Variants in ME1 observed in about 807,000 individuals in gnomAD.
ME1 encodes the protein NADP-dependent malic enzyme.
A neutral mutation model predicts 66.4 loss-of-function variants in ME1; 74 were observed. The observed-to-expected ratio is 1.11, with a 90% CI of 0.92 to 1.35. The LOEUF is 1.35. ME1 is among the 40% of genes most tolerant of loss of function. The pLI is 0.00. For synonymous variants in ME1, 251 were observed against 235.6 expected (o/e 1.07, Z -0.60); for missense variants, 750 against 694.1 (o/e 1.08, Z -0.90).
rs57683304 is a variant in ME1 at position 83,388,091 on chromosome 6, C to CTTTTTTTTTTTTTTTTTT, written c.362+10275_362+10276insAAAAAAAAAAAAAAAAAA. Among the ~76,000 whole-genome samples the CTTTTTTTTTTTTTTTTTT allele has an allele frequency of 2.2e-5, 3 of 133,394 alleles. 1 individual carries two copies. The highest frequency in any genetic ancestry group is 1.7e-4 in the Admixed American group (2 of 12,082). The allele number at this position is 133,394 out of a possible 152,430, so 87.5% of individuals were successfully genotyped here. A position where few individuals can be genotyped will look rare whatever the true frequency, so the allele number is the denominator to read the frequency against. ...TCTTCCTTCTTTCCTTCCTTCCTTC[C>CTTTTTTTTTTTTTTTTTT]TTTTTTTTTTTGGACAGGATCTCAC... On this transcript the variant is annotated intron_variant, in intron 3 of 13. Transcript: ENST00000369705.
At chr6:83,330,567 T>C (rs1330304695) in intron 5 of ME1, among the ~76,000 whole-genome samples, 1 of 152,216 alleles carries the variant, frequency 6.6e-6, no homozygotes, top group Non-Finnish European at 1.5e-5. Context: ...ATTATTAAGT[T>C]ATTTCGAACT....
At chr6:83,360,413 G>A (rs1768986244) in intron 3 of ME1, among the ~76,000 whole-genome samples, 1 of 152,164 alleles carries the variant, frequency 6.6e-6, no homozygotes, top group South Asian at 2.1e-4. Context: ...AGGGGCTTAT[G>A]GAGGTCAGGT....
chr6:83,316,867 T>C (rs745961281), intron 5 of ME1, among the ~76,000 whole-genome samples: 6 of 151,516 alleles, frequency 4.0e-5, no homozygotes, highest in Non-Finnish European at 8.8e-5. Flanking sequence ...TTTAAGAAAA[T>C]ATGTGTAAGA....
chr6:83,414,150 A>G (rs1033085106), intron 1 of ME1, among the ~76,000 whole-genome samples: 1 of 150,272 alleles, frequency 6.7e-6, no homozygotes, highest in Middle Eastern at 3.4e-3. Flanking sequence ...ATTTATTTTT[A>G]TGGTGGTATC....
At chr6:83,293,940 T>C (rs1441544133) in intron 6 of ME1, among the ~76,000 whole-genome samples, 2 of 152,260 alleles carry the variant, frequency 1.3e-5, no homozygotes, top group African/African-American at 4.8e-5. Flanking sequence ...TTGAGATTTA[T>C]ATTAGCTATA....
At position 83,392,426 on chromosome 6, in the gene ME1, T is replaced by G; in HGVS notation, c.362+5941A>C. On this transcript the variant is annotated intron_variant, in intron 3 of 13. Transcript: ENST00000369705. ...CATCCCTGAGACACCATGGTGAAGG[T>G]GAAGGCTGGAGTCAACAGATTTGGT... 6.3e-6 allele frequency: 3 copies of G among 479,984 alleles called. No homozygotes were observed. In the Admixed American group the frequency reaches 6.4e-5, roughly 10 times the overall value. The allele number at this position is 479,984 out of a possible 1,614,324, so 29.7% of individuals were successfully genotyped here. A position where few individuals can be genotyped will look rare whatever the true frequency, so the allele number is the denominator to read the frequency against.
intron 5 of ME1, among the ~76,000 whole-genome samples, chr6:83,323,357 G>A (rs1270596527): frequency 1.3e-5 from 2 of 152,104 alleles, no homozygotes; most frequent in African/African-American, 4.8e-5. Context: ...ACACAGACTG[G>A]CAAACAGGAT....
chr6:83,318,819 C>T (rs1310363638), intron 5 of ME1, among the ~76,000 whole-genome samples: 2 of 101,990 alleles, frequency 2.0e-5, no homozygotes, highest in African/African-American at 3.5e-5. Context: ...ACCCAAAGGA[C>T]TATAAATCAT....
At chr6:83,357,468 A>G (rs1235579725) in intron 3 of ME1, among the ~76,000 whole-genome samples, 2 of 152,196 alleles carry the variant, frequency 1.3e-5, no homozygotes, top group African/African-American at 4.8e-5. Flanking sequence ...CAGGTTTGCC[A>G]GAGGGAGGCC....
chr6:83,350,478 T>A (rs1179722115), intron 4 of ME1, among the ~76,000 whole-genome samples: 1 of 152,204 alleles, frequency 6.6e-6, no homozygotes, highest in Non-Finnish European at 1.5e-5. Context: ...TGTTTGTTTT[T>A]TTTCTGAGAC....
At chr6:83,345,502 C>T (rs1768668482) in intron 5 of ME1, among the ~76,000 whole-genome samples, 1 of 152,080 alleles carries the variant, frequency 6.6e-6, no homozygotes, top group South Asian at 2.1e-4. Context: ...AAACATAATG[C>T]ATGTATGTAT....
intron 12 of ME1, among the ~76,000 whole-genome samples, chr6:83,220,517 T>C (rs1300098738): frequency 6.6e-6 from 1 of 152,234 alleles, no homozygotes; most frequent in Non-Finnish European, 1.5e-5. Context: ...AGATTGGTGC[T>C]AACCCATGAC....
At chr6:83,224,683 C>CAAAAAAA (rs58210396) in intron 11 of ME1, among the ~76,000 whole-genome samples, 1 of 102,794 alleles carries the variant, frequency 9.7e-6, no homozygotes, top group Non-Finnish European at 2.1e-5. Context: ...GATTCCAGCT[C>CAAAAAAA]AAAAAAAAAA....
intron 3 of ME1, among the ~76,000 whole-genome samples, chr6:83,360,776 T>C (rs952432202): frequency 6.6e-6 from 1 of 152,222 alleles, no homozygotes; most frequent in Non-Finnish European, 1.5e-5. Flanking sequence ...AGACAGATCA[T>C]AGAGAATGAC....
intron 6 of ME1, among the ~76,000 whole-genome samples, chr6:83,304,878 C>G (rs1767797469): frequency 6.6e-6 from 1 of 152,114 alleles, no homozygotes. Flanking sequence ...TATGTCAGCT[C>G]AAACAATATT....
chr6:83,410,358 T>C (rs901539423), intron 1 of ME1, among the ~76,000 whole-genome samples: 2 of 152,168 alleles, frequency 1.3e-5, no homozygotes, highest in African/African-American at 2.4e-5. Flanking sequence ...AAAACCTGAT[T>C]AGCATATTCA....
At chr6:83,263,838 C>G (rs1163563267) in intron 6 of ME1, among the ~76,000 whole-genome samples, 1 of 105,764 alleles carries the variant, frequency 9.5e-6, no homozygotes, top group Non-Finnish European at 2.0e-5. Context: ...CATAACATAA[C>G]ATAACCTGCA....
chr6:83,297,962 T>C (rs1767633358), intron 6 of ME1, among the ~76,000 whole-genome samples: 1 of 152,258 alleles, frequency 6.6e-6, no homozygotes, highest in Non-Finnish European at 1.5e-5. Context: ...CAGTCTATCA[T>C]TGATGGACAT....
intron 6 of ME1, among the ~76,000 whole-genome samples, chr6:83,274,501 T>G (rs894374625): frequency 6.6e-6 from 1 of 152,230 alleles, no homozygotes; most frequent in South Asian, 2.1e-4. Flanking sequence ...AAAACTTTTT[T>G]TCAAAGGATT....
Sources: allele counts gnomAD v4.1 joint callset (sites outside exome capture counted in the v4.1 genomes callset), GRCh38; gene constraint gnomAD v4.1.1; transcripts MANE v1.5; gene names NCBI Gene and HGNC (gene_info 2026-07-23, HGNC 2026-07-21).